Variants in KCNJ2 observed in about 807,000 individuals in gnomAD.
KCNJ2 encodes potassium inwardly rectifying channel subfamily J member 2.
KCNJ2 carries 12 observed loss-of-function variants against 28.4 expected under a neutral mutation model. That is an observed-to-expected ratio of 0.42 (90% CI 0.27 to 0.68). The LOEUF (loss-of-function observed/expected upper bound fraction) is 0.68. Among genes scored for constraint, KCNJ2 ranks in the 30% least tolerant of loss-of-function variants. The pLI is 0.23. For missense variants in KCNJ2, 320 were observed against 551.3 expected, an observed-to-expected ratio of 0.58 and a Z score of 4.20; for synonymous variants, 200 against 203.2, an observed-to-expected ratio of 0.98 and a Z score of 0.13.
chr17:70,171,235 G>C (rs1024053055), intron 1 of KCNJ2, among the ~76,000 whole-genome samples: 2 of 152,180 alleles, frequency 1.3e-5, no homozygotes, highest in African/African-American at 4.8e-5. Context: ...CTCACACGTA[G>C]ATAGATGGGT....
At position 70,177,330 on chromosome 17, in the gene KCNJ2, T is replaced by C. The variant is rs1171324901; in HGVS notation, c.*1007T>C. 6.0e-6 allele frequency: 1 copy of C among 167,116 alleles called. No individual in the cohort carries two copies. Among genetic ancestry groups the C allele is most frequent in the Non-Finnish European group, 1.5e-5 (1 of 68,130 alleles). The allele number at this position is 167,116 out of a possible 1,614,324, so 10.4% of individuals were successfully genotyped here. On this transcript the variant is annotated 3_prime_UTR_variant, in exon 2 of 2. Transcript: ENST00000243457. ...TCTATCCTTTCCTGCTAGGCAGTGCTGGCCAGGCTCATGTGTAGTGTGCGA... is the reference window on the plus strand; with the variant it reads ...TCTATCCTTTCCTGCTAGGCAGTGCCGGCCAGGCTCATGTGTAGTGTGCGA...
rs1383215658 is a variant in KCNJ2, at chr17:70,175,425, T to C, written c.386T>C (p.Phe129Ser). Residue 129 changes from phenylalanine (F) to serine (S), a missense_variant, in exon 2 of 2, where the codon TTC becomes TCC. Physicochemically the swap from Phe to Ser is radical, Grantham distance 155 (BLOSUM62 -2). This residue lies in a region of KCNJ2 where 111 missense variants were observed against 256.7 expected (regional missense o/e 0.43). Coordinates refer to ENST00000243457, the MANE Select transcript of KCNJ2 (RefSeq NM_000891.3). This position sits in a 1 kb window ranked among gnomAD's most constrained non-coding sequence, Gnocchi z 8.3. ...GKACVSEVNSFTAAFLFSIET... is the reference protein window; with the variant it reads ...GKACVSEVNSSTAAFLFSIET... The stretch of plus-strand genomic sequence containing the variant: ...GCTTGTGTGTCCGAGGTCAACAGCT[T>C]CACGGCTGCCTTCCTCTTCTCCATT... 1 of 1,614,062 alleles carries C rather than the reference T, an allele frequency of 6.2e-7. No individual in the cohort carries two copies. Among genetic ancestry groups the C allele is most frequent in the Non-Finnish European group, 8.5e-7 (1 of 1,180,024 alleles).
At chr17:70,174,103 TTATAAG>T (rs1472570981) in intron 1 of KCNJ2, among the ~76,000 whole-genome samples, 2 of 152,186 alleles carry the variant, frequency 1.3e-5, no homozygotes, top group Non-Finnish European at 2.9e-5. Flanking sequence ...TTTCAGATTA[TTATAAG>T]CAATAGGGGC....
chr17:70,172,575 T>C (rs1427883476), intron 1 of KCNJ2, among the ~76,000 whole-genome samples: 3 of 152,178 alleles, frequency 2.0e-5, no homozygotes, highest in Non-Finnish European at 4.4e-5. Context: ...CATAATTCAG[T>C]CTTTAGATTT....
Position 70,177,458 on chromosome 17 carries a change from A to G in KCNJ2, c.*1135A>G, listed in dbSNP as rs548695350. 6.0e-6 allele frequency: 1 copy of G among 167,270 alleles called. No homozygotes were observed. The highest frequency in any genetic ancestry group is 1.9e-4 in the East Asian group (1 of 5,188). 10.4% of individuals were successfully genotyped at this position (167,270 alleles called of 1,614,324 possible). A position where few individuals can be genotyped will look rare whatever the true frequency, so the allele number is the denominator to read the frequency against. ...CATAGGACCTCCTTGGCATCCTGGC[A>G]TTCTCAAAACTGAGCCATCCAGCAT... On this transcript the variant is annotated 3_prime_UTR_variant, in exon 2 of 2. Transcript: ENST00000243457.
rs757621970 is a variant in KCNJ2 at position 70,176,369 on chromosome 17, T to G, written c.*46T>G. On this transcript the variant is annotated 3_prime_UTR_variant, in exon 2 of 2. Coordinates refer to ENST00000243457, the MANE Select transcript of KCNJ2 (RefSeq NM_000891.3). ...AATAGTTACTTTACAACACGGTCTG[T>G]TGGTCAGAGGCCCAAAACAGTTATA... The G allele has an allele frequency of 6.4e-7, 1 of 1,572,400 alleles. No individual in the cohort carries two copies. Among genetic ancestry groups the G allele is most frequent in the Non-Finnish European group, 8.8e-7 (1 of 1,141,970 alleles).
At chr17:70,174,463 G>C (rs2074380550) in intron 1 of KCNJ2, among the ~76,000 whole-genome samples, 1 of 152,018 alleles carries the variant, frequency 6.6e-6, no homozygotes, top group African/African-American at 2.4e-5. Context: ...TCTTTCATCT[G>C]CTTAACAGGG....
rs1391595324 is a variant in KCNJ2 at position 70,177,900 on chromosome 17, TCCTGTGGAGC to T, written c.*1581_*1590del. On this transcript the variant is annotated 3_prime_UTR_variant, in exon 2 of 2. Transcript: ENST00000243457. ...GACTGAATGTGAGCTAAGCATTTTC[TCCTGTGGAGC>T]CCTAGAGCAGGTTACTAAGGAAGGA... is the stretch of plus-strand genomic sequence containing the variant. The T allele has an allele frequency of 6.0e-6, 1 of 167,042 alleles. No individual in the cohort carries two copies. Among genetic ancestry groups the T allele is most frequent in the African/African-American group, 2.4e-5 (1 of 41,456 alleles). 10.3% of individuals were successfully genotyped at this position (167,042 alleles called of 1,614,324 possible). A position where few individuals can be genotyped will look rare whatever the true frequency, so the allele number is the denominator to read the frequency against.
rs2074392238 is a variant in KCNJ2, at chr17:70,176,257, A to G, written c.1218A>G (p.Ile406Met). 6.2e-7 allele frequency: 1 copy of G among 1,614,040 alleles called. No homozygotes were observed. The highest frequency in any genetic ancestry group is 1.3e-5 in the African/African-American group (1 of 74,914). The change falls in exon 2 of 2, where the codon ATA becomes ATG. Residue 406 changes from isoleucine to methionine, a missense_variant. Physicochemically the swap from Ile to Met is conservative, Grantham distance 10. This residue lies in a region of KCNJ2 where 155 missense variants were observed against 231.6 expected (regional missense o/e 0.67). Coordinates refer to ENST00000243457, the MANE Select transcript of KCNJ2 (RefSeq NM_000891.3). ...ESTSTDTPPD[I>M]DLHNQASVPL... ...CTAGTACGGACACGCCCCCTGACAT[A>G]GACCTTCACAACCAGGCAAGTGTAC...
At chr17:70,171,688 T>C (rs1028392671) in intron 1 of KCNJ2, among the ~76,000 whole-genome samples, 2 of 152,214 alleles carry the variant, frequency 1.3e-5, no homozygotes, top group African/African-American at 4.8e-5. Context: ...GCTGAACTAT[T>C]TTTTTCCATT....
intron 1 of KCNJ2, among the ~76,000 whole-genome samples, chr17:70,173,436 A>C (rs2074375196): frequency 6.6e-6 from 1 of 152,228 alleles, no homozygotes; most frequent in East Asian, 1.9e-4. Flanking sequence ...ATTTGGTTGT[A>C]TGAAAAGTTG....
chr17:70,169,901 C>G (rs977634683), intron 1 of KCNJ2, among the ~76,000 whole-genome samples, 200 bp downstream of exon 1: 4 of 152,126 alleles, frequency 2.6e-5, no homozygotes, highest in African/African-American at 9.7e-5. Context: ...ATCCCCAGAG[C>G]TAAAAATACT....
intron 1 of KCNJ2, among the ~76,000 whole-genome samples, chr17:70,172,020 T>C (rs568340249): frequency 8.5e-5 from 13 of 152,272 alleles, no homozygotes; most frequent in Admixed American, 8.5e-4. Flanking sequence ...GTTTTTTTAA[T>C]GATAGCTTTT....
Position 70,175,006 on chromosome 17 carries a change from C to T in KCNJ2, c.-34C>T. 1.2e-6 allele frequency: 2 copies of T among 1,610,830 alleles called. No homozygotes were observed. Among genetic ancestry groups the T allele is most frequent in the Non-Finnish European group, 1.7e-6 (2 of 1,177,532 alleles). ...TTTTGCAAAAACTCAGACTGTTTTC[C>T]AAAGCAGAAGCACTGGAGTCCCCAG... is the stretch of plus-strand genomic sequence containing the variant. On this transcript the variant is annotated 5_prime_UTR_variant, in exon 2 of 2. Coordinates refer to ENST00000243457, the MANE Select transcript of KCNJ2 (RefSeq NM_000891.3). This position sits in a 1 kb window ranked among gnomAD's most constrained non-coding sequence, Gnocchi z 8.3.
In KCNJ2 at chr17:70,178,117, C is replaced by A. The variant is rs55864879; in HGVS notation, c.*1794C>A. ...TTTAATTGGAGTCTCAAAATCAACT[C>A]TCTTATGGTATTATATCTCTGTATG... On this transcript the variant is annotated 3_prime_UTR_variant, in exon 2 of 2. Coordinates refer to ENST00000243457, the MANE Select transcript of KCNJ2 (RefSeq NM_000891.3). The A allele has an allele frequency of 6.0e-4, 98 of 163,348 alleles. No homozygotes were observed. Among genetic ancestry groups the A allele is most frequent in the Non-Finnish European group, 1.1e-3 (75 of 67,722 alleles). 10.1% of individuals were successfully genotyped at this position (163,348 alleles called of 1,614,324 possible). A position where few individuals can be genotyped will look rare whatever the true frequency, so the allele number is the denominator to read the frequency against.
intron 1 of KCNJ2, 94 bp from the exon 2 acceptor site, chr17:70,174,730 T>A (rs2074382030): frequency 2.4e-6 from 1 of 413,810 alleles, no homozygotes; most frequent in Non-Finnish European, 4.5e-6. Flanking sequence ...TATCTTTACC[T>A]GATTATGTGT....
Position 70,176,395 on chromosome 17 carries a change from C to T in KCNJ2, c.*72C>T. On this transcript the variant is annotated 3_prime_UTR_variant, in exon 2 of 2. Coordinates refer to ENST00000243457, the MANE Select transcript of KCNJ2 (RefSeq NM_000891.3). ...TGGTCAGAGGCCCAAAACAGTTATACAGATGACGGTACTGGTCAAGATGGG... is the reference window on the plus strand; with the variant it reads ...TGGTCAGAGGCCCAAAACAGTTATATAGATGACGGTACTGGTCAAGATGGG... 7.2e-7 allele frequency: 1 copy of T among 1,388,212 alleles called. No homozygotes were observed. Among genetic ancestry groups the T allele is most frequent in the Non-Finnish European group, 1.0e-6 (1 of 975,162 alleles). 86.0% of individuals were successfully genotyped at this position (1,388,212 alleles called of 1,614,324 possible). A position where few individuals can be genotyped will look rare whatever the true frequency, so the allele number is the denominator to read the frequency against.
At chr17:70,171,109 T>C (rs1039766320) in intron 1 of KCNJ2, among the ~76,000 whole-genome samples, 1 of 152,246 alleles carries the variant, frequency 6.6e-6, no homozygotes, top group Non-Finnish European at 1.5e-5. Flanking sequence ...ATTAAGTGTT[T>C]CAGATTTTTT....
chr17:70,170,673 C>A (rs1220238535), intron 1 of KCNJ2, among the ~76,000 whole-genome samples: 3 of 152,224 alleles, frequency 2.0e-5, no homozygotes, highest in Non-Finnish European at 4.4e-5. Context: ...AATCAATAGG[C>A]TGCCAGATTT....
Sources: allele counts gnomAD v4.1 joint callset (sites outside exome capture counted in the v4.1 genomes callset), GRCh38; gene constraint gnomAD v4.1.1; regional missense constraint gnomAD v4.1.1; non-coding constraint Gnocchi (gnomAD v3.1); transcripts MANE v1.5; gene names NCBI Gene and HGNC (gene_info 2026-07-23, HGNC 2026-07-21).